The following GRIK1 variants were observed in gnomAD, a reference collection of about 807,000 sequenced individuals.
The protein encoded by GRIK1 is glutamate ionotropic receptor kainate type subunit 1.
A neutral mutation model predicts 105.7 loss-of-function variants in GRIK1; 69 were observed. The observed-to-expected ratio is 0.65, with a 90% CI of 0.54 to 0.80. GRIK1 has a LOEUF of 0.80. Ranked by LOEUF, GRIK1 falls within the 30% of genes least tolerant of loss-of-function variation. The probability of loss-of-function intolerance (pLI) is 0.00; values close to 1 mark genes in which losing one functional copy is unlikely to be tolerated. For synonymous variants in GRIK1, 438 were observed against 431.3 expected (o/e 1.02, Z -0.19); for missense variants, 1,109 against 1,167.3 (o/e 0.95, Z 0.73).
At chr21:29,620,982 A>G (rs1007416731) in intron 7 of GRIK1, among the ~76,000 whole-genome samples, 2 of 149,376 alleles carry the variant, frequency 1.3e-5, no homozygotes, top group African/African-American at 4.9e-5. Context: ...AATTTGGAAA[A>G]AAAATATATA....
At chr21:29,558,676 G>A (rs1404524742) in intron 15 of GRIK1, among the ~76,000 whole-genome samples, 1 of 150,596 alleles carries the variant, frequency 6.6e-6, no homozygotes, top group Non-Finnish European at 1.5e-5. Flanking sequence ...GACTGAATGG[G>A]TACCTTTGGA....
chr21:29,826,541 A>G (rs2067462546), intron 1 of GRIK1, among the ~76,000 whole-genome samples: 1 of 152,088 alleles, frequency 6.6e-6, no homozygotes, highest in African/African-American at 2.4e-5. Flanking sequence ...TGGCCTTCAG[A>G]TTTAAAAGGA....
At chr21:29,618,819 A>G (rs1402614152) in intron 7 of GRIK1, among the ~76,000 whole-genome samples, 1 of 152,134 alleles carries the variant, frequency 6.6e-6, no homozygotes, top group African/African-American at 2.4e-5. Context: ...AGCTCTGAAT[A>G]TGCAAAGCCA....
chr21:29,830,061 C>A (rs891529083), intron 1 of GRIK1, among the ~76,000 whole-genome samples: 3 of 152,130 alleles, frequency 2.0e-5, no homozygotes, highest in Non-Finnish European at 2.9e-5. Flanking sequence ...TTTGTGAAAT[C>A]TGACACCATA....
intron 1 of GRIK1, among the ~76,000 whole-genome samples, chr21:29,779,895 T>A (rs1180964029): frequency 6.6e-6 from 1 of 152,192 alleles, no homozygotes; most frequent in East Asian, 1.9e-4. Context: ...GACTGTGACC[T>A]GCAAAATACA....
rs1555853112 is a variant in GRIK1, at chr21:29,629,219, T to TGTGG, written c.1098+13606_1098+13607insCCAC. Among the ~76,000 whole-genome samples, 1,312 of 151,110 alleles carry TGTGG rather than the reference T, an allele frequency of 8.7e-3. 11 individuals carry two copies. The highest frequency in any genetic ancestry group is 0.03 in the African/African-American group (1,219 of 40,952). On this transcript the variant is annotated intron_variant, in intron 7 of 17. Transcript: ENST00000327783. Reference sequence around the variant, plus strand: ...ATGTGTGTGTGTGTGTGTGTGTGTGTGTGTGTGTGTGTGTGCTATTTGCAA... The same window carrying TGTGG: ...ATGTGTGTGTGTGTGTGTGTGTGTGTGTGGGTGTGTGTGTGTGTGCTATTTGCAA...
intron 16 of GRIK1, among the ~76,000 whole-genome samples, chr21:29,552,327 C>T (rs1262037646): frequency 1.3e-5 from 2 of 152,078 alleles, no homozygotes; most frequent in East Asian, 3.8e-4. Context: ...CTCTTATTCA[C>T]TAGTGAGGAA....
intron 1 of GRIK1, among the ~76,000 whole-genome samples, chr21:29,789,603 G>A (rs77643651): frequency 6.6e-6 from 1 of 152,156 alleles, no homozygotes; most frequent in Non-Finnish European, 1.5e-5. Context: ...ACCTCACGGA[G>A]TAAGCATTTT....
intron 7 of GRIK1, among the ~76,000 whole-genome samples, chr21:29,621,410 G>C (rs116524955): frequency 0.025 from 3,858 of 152,042 alleles, 177 homozygotes; most frequent in African/African-American, 0.089. Context: ...GTGTGTGTGT[G>C]TGGGGAAGAC....
chr21:29,707,839 T>C (rs2063955737), intron 1 of GRIK1, among the ~76,000 whole-genome samples: 1 of 152,154 alleles, frequency 6.6e-6, no homozygotes, highest in Non-Finnish European at 1.5e-5. Context: ...CTGAACATAA[T>C]CCACCTTTTC....
intron 7 of GRIK1, among the ~76,000 whole-genome samples, chr21:29,623,315 C>A (rs2062049973): frequency 3.3e-5 from 5 of 152,068 alleles, no homozygotes; most frequent in Admixed American, 3.3e-4. Context: ...ATTCAATTAC[C>A]TCTCACAGGG....
chr21:29,823,202 T>C (rs74492143), intron 1 of GRIK1, among the ~76,000 whole-genome samples: 4,889 of 152,104 alleles, frequency 0.032, 127 homozygotes, highest in Middle Eastern at 0.075. Context: ...AATATGTATA[T>C]AAATATGTCT....
At chr21:29,881,778 A>T (rs1266702184) in intron 1 of GRIK1, among the ~76,000 whole-genome samples, 2 of 152,146 alleles carry the variant, frequency 1.3e-5, no homozygotes, top group East Asian at 1.9e-4. Flanking sequence ...TCATCCCTTG[A>T]TATAAAAGAC....
intron 1 of GRIK1, among the ~76,000 whole-genome samples, chr21:29,799,710 A>G (rs1030991896): frequency 1.3e-5 from 2 of 152,120 alleles, no homozygotes; most frequent in African/African-American, 4.8e-5. Flanking sequence ...TTGTATTTTT[A>G]GTAGAGACAG....
At chr21:29,882,857 C>A (rs542666602) in intron 1 of GRIK1, among the ~76,000 whole-genome samples, 242 of 152,174 alleles carry the variant, frequency 1.6e-3, no homozygotes, top group African/African-American at 5.4e-3. Context: ...CTCTATCTAC[C>A]ACGATCTATA....
chr21:29,858,663 T>C (rs554026907), intron 1 of GRIK1, among the ~76,000 whole-genome samples: 3 of 152,236 alleles, frequency 2.0e-5, no homozygotes. Context: ...GCTAAGGGGC[T>C]GCACAAGAGA....
chr21:29,923,239 A>G (rs1030861270), intron 1 of GRIK1, among the ~76,000 whole-genome samples: 2 of 152,210 alleles, frequency 1.3e-5, no homozygotes, highest in East Asian at 3.8e-4. Flanking sequence ...TCACTTCTGC[A>G]TATTACTTTT....
intron 6 of GRIK1, among the ~76,000 whole-genome samples, chr21:29,644,193 T>A (rs1299020379): frequency 6.6e-6 from 1 of 152,204 alleles, no homozygotes; most frequent in Non-Finnish European, 1.5e-5. Flanking sequence ...TATCTCACAA[T>A]TTTATCAGTC....
chr21:29,633,498 A>G (rs2062330698), intron 7 of GRIK1, among the ~76,000 whole-genome samples: 1 of 150,976 alleles, frequency 6.6e-6, no homozygotes, highest in Non-Finnish European at 1.5e-5. Context: ...CTCTGTCTCT[A>G]AAATAAAATA....
Sources: gnomAD v4.1 joint callset for allele counts (sites outside exome capture counted in the v4.1 genomes callset) on GRCh38, gnomAD v4.1.1 for gene constraint, MANE v1.5 for transcripts, NCBI Gene and HGNC (gene_info 2026-07-23, HGNC 2026-07-21) for gene names.